Variants in TEAD3 observed in about 807,000 individuals in gnomAD.
TEAD3 encodes the protein TEA domain transcription factor 3.
TEAD3 carries 15 observed loss-of-function variants against 55.6 expected under a neutral mutation model. The observed-to-expected ratio is 0.27, with a 90% CI of 0.18 to 0.42. The LOEUF is 0.42. Among genes scored for constraint, TEAD3 ranks in the 10% least tolerant of loss-of-function variants. The probability of loss-of-function intolerance (pLI) is 1.00; values close to 1 mark genes in which losing one functional copy is unlikely to be tolerated. For synonymous variants in TEAD3, 210 were observed against 232.2 expected, an observed-to-expected ratio of 0.90 and a Z score of 0.87; for missense variants, 407 against 576.8, an observed-to-expected ratio of 0.71 and a Z score of 3.01.
intron 8 of TEAD3, 94 bp from the exon 9 acceptor site, chr6:35,476,529 A>AG: frequency 6.5e-7 from 1 of 1,529,914 alleles, no homozygotes; most frequent in Non-Finnish European, 8.9e-7. Flanking sequence ...CCTTTTGGGA[A>AG]GGAACATGAG....
rs1328107107 is a variant in TEAD3 at position 35,483,638 on chromosome 6, C to A, written c.267+922G>T. On this transcript the variant is annotated intron_variant, in intron 3 of 12. Transcript: ENST00000639578. The surrounding 1 kb of genome is among the most constrained non-coding windows in gnomAD (Gnocchi z 4.5). ...CAGCCAGCCCTCTCTAATCCATTGT[C>A]CCGGCTGCTTGAGGGCCTTCCTCAA... Among the ~76,000 whole-genome samples, 1 of 152,144 alleles carries A rather than the reference C, an allele frequency of 6.6e-6. No homozygotes were observed. Among genetic ancestry groups the A allele is most frequent in the Admixed American group, 6.5e-5 (1 of 15,270 alleles).
chr6:35,486,219 CGGTAGCGGGGAGGAGAGGA>C lies in TEAD3; in HGVS notation c.202+223_202+241del, dbSNP rs2150914813. Among the ~76,000 whole-genome samples, 1 of 152,346 alleles carries C rather than the reference CGGTAGCGGGGAGGAGAGGA, an allele frequency of 6.6e-6. No individual in the cohort carries two copies. The highest frequency in any genetic ancestry group is 2.1e-4 in the South Asian group (1 of 4,828). The stretch of plus-strand genomic sequence containing the variant: ...CTGAGTCACCTCGAAACCTCCAGGC[CGGTAGCGGGGAGGAGAGGA>C]GGAGCAGGCGGGGGTGCCAAGGTGT... On this transcript the variant is annotated intron_variant, in intron 2 of 12. Transcript: ENST00000639578. This position sits in a 1 kb window ranked among gnomAD's most constrained non-coding sequence, Gnocchi z 7.3.
At chr6:35,481,973 T>C (rs1053643313) in intron 3 of TEAD3, among the ~76,000 whole-genome samples, 1 of 152,230 alleles carries the variant, frequency 6.6e-6, no homozygotes, top group African/African-American at 2.4e-5. Flanking sequence ...AAACTGCATT[T>C]CTTTGCCAAA....
At chr6:35,478,312 GGCT>G (rs769393595) in exon 7 of TEAD3, 1 of 1,613,830 alleles carries the variant, frequency 6.2e-7, no homozygotes, top group Non-Finnish European at 8.5e-7. Flanking sequence ...AGGAGAGGGG[GGCT>G]GCTCCAGAAC....
chr6:35,475,991 G>C lies in TEAD3; in HGVS notation c.828C>G (p.Pro276=), dbSNP rs964814149. The C allele has an allele frequency of 1.3e-6, 2 of 1,564,152 alleles. No individual in the cohort carries two copies. Among genetic ancestry groups the C allele is most frequent in the Admixed American group, 2.0e-5 (1 of 50,372 alleles). ...GCTCCTTCAATCCTCCCTTTTTCTC[G>C]GGGAATTTGTCATAGATCTGGCGCA... The change falls in exon 10 of 13, where the codon CCC becomes CCG. Residue 276 remains proline (P), a synonymous_variant. Coordinates refer to ENST00000639578, the Ensembl canonical transcript of TEAD3. This position sits in a 1 kb window ranked among gnomAD's most constrained non-coding sequence, Gnocchi z 5.4.
In TEAD3 at chr6:35,475,220, C is replaced by T. The variant is rs41270072; in HGVS notation, c.1195-63G>A. The T allele has an allele frequency of 0.11, 177,074 of 1,576,078 alleles. 23,098 individuals carry two copies. Among genetic ancestry groups the T allele is most frequent in the African/African-American group, 0.64 (47,498 of 73,950 alleles). On this transcript the variant is annotated intron_variant, in intron 12 of 12. Transcript: ENST00000639578. The surrounding 1 kb of genome is among the most constrained non-coding windows in gnomAD (Gnocchi z 5.4). ...GAGAAAAGGGCCACGGGGCAGGGGG[C>T]TGAACAGACCATTCTCCTTTCCGGA... is the stretch of plus-strand genomic sequence containing the variant.
At position 35,495,521 on chromosome 6, in the gene TEAD3, G is replaced by C. The variant is rs1444092621; in HGVS notation, c.-50+1377C>G. The stretch of plus-strand genomic sequence containing the variant: ...AGGGCCCCTGAAGTTACCCTTACTG[G>C]ACAGCCTTGTCCTGGAAGATCTGTG... On this transcript the variant is annotated intron_variant, in intron 1 of 12. Transcript: ENST00000639578. Among the ~76,000 whole-genome samples, 3 of 152,114 alleles carry C rather than the reference G, an allele frequency of 2.0e-5. No homozygotes were observed. The East Asian group carries it at 5.8e-4, about 29-fold the overall frequency.
rs774583429 is a variant in TEAD3 at position 35,475,641 on chromosome 6, G to A, written c.966C>T (p.Ser322=). The A allele has an allele frequency of 1.2e-6, 2 of 1,613,686 alleles. No homozygotes were observed. Among genetic ancestry groups the A allele is most frequent in the Non-Finnish European group, 1.7e-6 (2 of 1,179,686 alleles). Reference sequence around the variant, plus strand: ...CGCTGATGGTCATGCTATCAGCAGAGCTGTACTGAGAGCTGACCCCATAGA... The same window carrying A: ...CGCTGATGGTCATGCTATCAGCAGAACTGTACTGAGAGCTGACCCCATAGA... The change falls in exon 11 of 13, where the codon AGC becomes AGT. Residue 322 remains serine, a synonymous_variant. Coordinates refer to ENST00000639578, the Ensembl canonical transcript of TEAD3. This position sits in a 1 kb window ranked among gnomAD's most constrained non-coding sequence, Gnocchi z 5.4.
Position 35,476,265 on chromosome 6 carries a change from T to C in TEAD3, c.726+37A>G, listed in dbSNP as rs749904963. ...GATCACCCGGCCGGCCTCTCCACAA[T>C]TGTGCAAAGCCTCACCCTCACCCCC... On this transcript the variant is annotated intron_variant, in intron 9 of 12. Transcript: ENST00000639578. 92 of 1,602,018 alleles carry C rather than the reference T, an allele frequency of 5.7e-5. 2 individuals carry two copies. In the South Asian group the frequency reaches 7.4e-4, roughly 13 times the overall value.
chr6:35,478,584 G>C lies in TEAD3; in HGVS notation c.343-13C>G. ...TGGAGACCTGGTCCTGGGGAGAGGA[G>C]GCTGCATGAAGCCAGGGCCACGCTG... On this transcript the variant is annotated splice_polypyrimidine_tract_variant and intron_variant, in intron 5 of 12. Coordinates refer to ENST00000639578, the Ensembl canonical transcript of TEAD3. The C allele has an allele frequency of 6.3e-7, 1 of 1,576,104 alleles. No homozygotes were observed. The highest frequency in any genetic ancestry group is 1.2e-5 in the South Asian group (1 of 86,130).
Position 35,486,358 on chromosome 6 carries a change from CCGGCCAGCGGCTGG to C in TEAD3, c.202+89_202+102del. 1.4e-6 allele frequency: 2 copies of C among 1,382,324 alleles called. No homozygotes were observed. The highest frequency in any genetic ancestry group is 2.0e-6 in the Non-Finnish European group (2 of 1,023,858). 85.6% of individuals were successfully genotyped at this position (1,382,324 alleles called of 1,614,324 possible). ...CACAGGCTTGCGCGCCCAGACTCGC[CCGGCCAGCGGCTGG>C]CGGCCTCCGACGTCACCAAACCGGT... On this transcript the variant is annotated intron_variant, in intron 2 of 12. Coordinates refer to ENST00000639578, the Ensembl canonical transcript of TEAD3. The surrounding 1 kb of genome is among the most constrained non-coding windows in gnomAD (Gnocchi z 7.3).
In TEAD3 at chr6:35,496,167, TTG is replaced by T. The variant is rs1362605145; in HGVS notation, c.-50+729_-50+730del. 6.6e-6 allele frequency among the ~76,000 whole-genome samples: 1 copy of T among 151,012 alleles called. No homozygotes were observed. The highest frequency in any genetic ancestry group is 1.5e-5 in the Non-Finnish European group (1 of 67,706). On this transcript the variant is annotated intron_variant, in intron 1 of 12. Transcript: ENST00000639578. This position sits in a 1 kb window ranked among gnomAD's most constrained non-coding sequence, Gnocchi z 4.8. ...GCGGGAGACCAGCCACCCTCAAACC[TTG>T]TCAAGTCTAAACAAGGGCCCTGAGC...
intron 1 of TEAD3, among the ~76,000 whole-genome samples, chr6:35,492,367 C>T (rs1768542864): frequency 6.6e-6 from 1 of 152,084 alleles, no homozygotes; most frequent in South Asian, 2.1e-4. Context: ...CAGCTGTTCT[C>T]CAGCTGCCAG....
At chr6:35,480,273 C>T (rs757901762) in intron 3 of TEAD3, 39 bp downstream of exon 4, 2 of 1,607,914 alleles carry the variant, frequency 1.2e-6, no homozygotes, top group South Asian at 1.1e-5. Context: ...GGTGAGGGGC[C>T]CAGGAGGGCT....
intron 1 of TEAD3, among the ~76,000 whole-genome samples, chr6:35,489,201 C>T (rs1768452164): frequency 6.6e-6 from 1 of 152,234 alleles, no homozygotes; most frequent in South Asian, 2.1e-4. Flanking sequence ...GGATTTCACA[C>T]ACATTGACTC....
At position 35,480,818 on chromosome 6, in the gene TEAD3, A is replaced by G. The variant is rs1768251229; in HGVS notation, c.268-696T>C. ...TGTGTCCTTGTACAAGGCTGTGCCT[A>G]ACCCTGTCCTCCCCGCAAAAAGGGT... On this transcript the variant is annotated intron_variant, in intron 3 of 12. Coordinates refer to ENST00000639578, the Ensembl canonical transcript of TEAD3. Among the ~76,000 whole-genome samples, 7 of 152,178 alleles carry G rather than the reference A, an allele frequency of 4.6e-5. No individual in the cohort carries two copies. In the South Asian group the frequency reaches 1.4e-3, roughly 32 times the overall value.
exon 10 of TEAD3, chr6:35,476,057 C>G (rs576510878): frequency 8.4e-6 from 13 of 1,540,976 alleles, no homozygotes. Flanking sequence ...AGGCGGGGTT[C>G]GTCTGGCCGA....
In TEAD3 at chr6:35,475,294, C is replaced by T; in HGVS notation, c.1194+42G>A. 1 of 1,608,866 alleles carries T rather than the reference C, an allele frequency of 6.2e-7. No individual in the cohort carries two copies. The highest frequency in any genetic ancestry group is 8.5e-7 in the Non-Finnish European group (1 of 1,176,812). ...GTGTCTGGCTACCCAACTTGGAGGC[C>T]CTGGCCTGTGGGACTCCCCACGACC... On this transcript the variant is annotated intron_variant, in intron 12 of 12. Coordinates refer to ENST00000639578, the Ensembl canonical transcript of TEAD3. This position sits in a 1 kb window ranked among gnomAD's most constrained non-coding sequence, Gnocchi z 5.4.
At chr6:35,492,476 T>C (rs1768546553) in intron 1 of TEAD3, among the ~76,000 whole-genome samples, 1 of 152,072 alleles carries the variant, frequency 6.6e-6, no homozygotes, top group Admixed American at 6.5e-5. Flanking sequence ...GGAGGGACCC[T>C]GCCAAGCAGC....
Sources: gnomAD v4.1 joint callset for allele counts (sites outside exome capture counted in the v4.1 genomes callset) on GRCh38, gnomAD v4.1.1 for gene constraint, Gnocchi (gnomAD v3.1) non-coding constraint, MANE v1.5 for transcripts, NCBI Gene and HGNC (gene_info 2026-07-23, HGNC 2026-07-21) for gene names.